The following CNTNAP2 variants were observed in gnomAD, a reference collection of about 807,000 sequenced individuals.
CNTNAP2 encodes the protein contactin associated protein 2.
Under a neutral mutation model 155.2 loss-of-function variants are expected in CNTNAP2, and 98 were observed. The ratio of observed to expected loss-of-function variants is 0.63; its 90% CI spans 0.54 to 0.75. The LOEUF is 0.75. Among genes scored for constraint, CNTNAP2 ranks in the 30% least tolerant of loss-of-function variants. CNTNAP2 has a pLI of 0.00. For synonymous variants in CNTNAP2, 651 were observed against 631.2 expected, an observed-to-expected ratio of 1.03 and a Z score of -0.47; for missense variants, 1,727 against 1,688.1, an observed-to-expected ratio of 1.02 and a Z score of -0.40.
chr7:146,439,121 T>C (rs1796284103), intron 1 of CNTNAP2, among the ~76,000 whole-genome samples: 1 of 151,566 alleles, frequency 6.6e-6, no homozygotes, highest in Admixed American at 6.6e-5. Context: ...CATTAATACA[T>C]CTGTTCTCTT....
chr7:146,391,684 TCCCG>T (rs1795546282), intron 1 of CNTNAP2, among the ~76,000 whole-genome samples: 3 of 152,148 alleles, frequency 2.0e-5, no homozygotes, highest in Non-Finnish European at 4.4e-5. Flanking sequence ...GGTTTTCTGT[TCCCG>T]CATTAGTTTG....
chr7:146,514,449 A>C (rs1485477051), intron 1 of CNTNAP2, among the ~76,000 whole-genome samples: 1 of 151,896 alleles, frequency 6.6e-6, no homozygotes, highest in Non-Finnish European at 1.5e-5. Context: ...CTCTATTTTC[A>C]AGTAGCTTGT....
chr7:147,979,771 C>T (rs2373287), intron 15 of CNTNAP2, among the ~76,000 whole-genome samples: 16,084 of 151,990 alleles, frequency 0.11, 1,131 homozygotes, highest in African/African-American at 0.21. Context: ...TACAAGCACA[C>T]GCCACCATGC....
chr7:146,947,557 GTATATATATATATATATACA>G (rs1266219872), intron 3 of CNTNAP2, among the ~76,000 whole-genome samples: 2 of 50,734 alleles, frequency 3.9e-5, no homozygotes, highest in African/African-American at 5.7e-5. Context: ...GTGTGTGTGT[GTATATATATATATATATACA>G]TATATATATA....
intron 11 of CNTNAP2, among the ~76,000 whole-genome samples, chr7:147,498,220 C>CTGA: frequency 6.6e-6 from 1 of 151,496 alleles, no homozygotes; most frequent in African/African-American, 2.4e-5. Context: ...GACCATGTGG[C>CTGA]TGATTAGCCA....
chr7:147,045,369 A>G (rs1354054745), intron 4 of CNTNAP2, among the ~76,000 whole-genome samples: 1 of 152,206 alleles, frequency 6.6e-6, no homozygotes, highest in African/African-American at 2.4e-5. Flanking sequence ...GTACACATTT[A>G]GTAACAGAAA....
chr7:147,045,809 G>GAC (rs201186337), intron 4 of CNTNAP2, among the ~76,000 whole-genome samples: 4 of 151,120 alleles, frequency 2.6e-5, no homozygotes, highest in East Asian at 1.9e-4. Context: ...AATAAATACA[G>GAC]ACACACACAC....
At chr7:147,592,901 G>C (rs1800765916) in intron 12 of CNTNAP2, among the ~76,000 whole-genome samples, 1 of 152,040 alleles carries the variant, frequency 6.6e-6, no homozygotes, top group Admixed American at 6.6e-5. Flanking sequence ...CTTCCAAATG[G>C]TCATACCCTG....
At chr7:147,080,871 T>C (rs2129268235) in intron 4 of CNTNAP2, 1 of 151,956 alleles carries the variant, frequency 6.6e-6, no homozygotes, top group Non-Finnish European at 1.5e-5. Context: ...TGACTCTGGC[T>C]ATGTATCCTG....
At chr7:146,328,515 C>CTG (rs36098013) in intron 1 of CNTNAP2, among the ~76,000 whole-genome samples, 44,166 of 147,058 alleles carry the variant, frequency 0.3, 6,945 homozygotes, top group Admixed American at 0.42. Context: ...ACTTAGCGAC[C>CTG]TGTGTGTGTG....
At position 148,418,757 on chromosome 7, in the gene CNTNAP2, A is replaced by G. The variant is rs535476964; in HGVS notation, c.*3141A>G. 4 of 152,374 alleles carry G rather than the reference A, an allele frequency of 2.6e-5. No individual in the cohort carries two copies. Among genetic ancestry groups the G allele is most frequent in the Admixed American group, 1.3e-4 (2 of 15,308 alleles). The allele number at this position is 152,374 out of a possible 1,614,324, so 9.4% of individuals were successfully genotyped here. A position where few individuals can be genotyped will look rare whatever the true frequency, so the allele number is the denominator to read the frequency against. On this transcript the variant is annotated 3_prime_UTR_variant, in exon 24 of 24. Transcript: ENST00000361727. ...CTGCTCAAAAAAAGAGACTTGTTAC[A>G]TGAAAGTTTTCATTAAAGAGCTGAA...
intron 21 of CNTNAP2, among the ~76,000 whole-genome samples, chr7:148,356,940 T>C (rs909918073): frequency 6.6e-6 from 1 of 151,890 alleles, no homozygotes; most frequent in Admixed American, 6.6e-5. Context: ...TCCAAGATGC[T>C]CCAGTGCTTA....
intron 1 of CNTNAP2, among the ~76,000 whole-genome samples, chr7:146,163,996 A>C (rs1798273379): frequency 6.6e-6 from 1 of 152,142 alleles, no homozygotes; most frequent in Admixed American, 6.5e-5. Context: ...GAAAATAAAA[A>C]TCAGTACACA....
intron 1 of CNTNAP2, among the ~76,000 whole-genome samples, chr7:146,420,140 G>T (rs1407747975): frequency 6.6e-6 from 1 of 152,094 alleles, no homozygotes; most frequent in Admixed American, 6.6e-5. Flanking sequence ...TAGACATGGA[G>T]AAAAGGAAAA....
intron 9 of CNTNAP2, among the ~76,000 whole-genome samples, chr7:147,319,402 C>T (rs1465903142): frequency 1.3e-5 from 2 of 151,938 alleles, no homozygotes; most frequent in Non-Finnish European, 2.9e-5. Context: ...TTTAAGACAA[C>T]AGTCTCACTC....
intron 8 of CNTNAP2, among the ~76,000 whole-genome samples, chr7:147,142,833 G>A (rs1392506331): frequency 6.6e-6 from 1 of 152,062 alleles, no homozygotes; most frequent in African/African-American, 2.4e-5. Context: ...GGAGCATTTG[G>A]CCTCATTTCT....
chr7:146,333,886 A>T (rs1371128383), intron 1 of CNTNAP2, among the ~76,000 whole-genome samples: 1 of 152,208 alleles, frequency 6.6e-6, no homozygotes, highest in Admixed American at 6.5e-5. Context: ...GTGCCTGGAA[A>T]GTTTTCAAGG....
At chr7:147,819,018 G>T (rs539963154) in intron 13 of CNTNAP2, among the ~76,000 whole-genome samples, 2 of 152,046 alleles carry the variant, frequency 1.3e-5, no homozygotes, top group African/African-American at 4.8e-5. Flanking sequence ...GTTTCTTGCC[G>T]CATTTCTCAC....
At chr7:146,494,590 A>T (rs1797187112) in intron 1 of CNTNAP2, among the ~76,000 whole-genome samples, 1 of 152,180 alleles carries the variant, frequency 6.6e-6, no homozygotes, top group Non-Finnish European at 1.5e-5. Flanking sequence ...CTGAAAGGCA[A>T]ATAACCAACA....
Sources: allele counts gnomAD v4.1 joint callset (sites outside exome capture counted in the v4.1 genomes callset), GRCh38; gene constraint gnomAD v4.1.1; transcripts MANE v1.5; gene names NCBI Gene and HGNC (gene_info 2026-07-23, HGNC 2026-07-21).